Variants in ESR2 observed in about 807,000 individuals in gnomAD.
The protein encoded by ESR2 is estrogen receptor 2, also known as estrogen receptor beta.
Under a neutral mutation model 49.6 loss-of-function variants are expected in ESR2, and 36 were observed. That is an observed-to-expected ratio of 0.73 (90% CI 0.56 to 0.96). The LOEUF is 0.96. Among genes scored for constraint, ESR2 ranks in the 40% least tolerant of loss-of-function variants. The pLI is 0.00. For missense variants in ESR2, 714 were observed against 693.0 expected (o/e 1.03, Z -0.34); for synonymous variants, 320 against 266.1 (o/e 1.20, Z -1.97).
intron 3 of ESR2, among the ~76,000 whole-genome samples, chr14:64,273,873 T>C (rs1040829681): frequency 6.6e-6 from 1 of 152,154 alleles, no homozygotes; most frequent in African/African-American, 2.4e-5. Context: ...TTGGCATTAG[T>C]TCTTCTTTAA....
rs1237997993 is a variant in ESR2 at position 64,232,681 on chromosome 14, C to G, written c.*456G>C. 6.3e-6 allele frequency: 1 copy of G among 157,934 alleles called. No individual in the cohort carries two copies. The highest frequency in any genetic ancestry group is 2.4e-5 in the African/African-American group (1 of 41,590). The allele number at this position is 157,934 out of a possible 1,614,324, so 9.8% of individuals were successfully genotyped here. A position where few individuals can be genotyped will look rare whatever the true frequency, so the allele number is the denominator to read the frequency against. ...GTTTTCAATCTTACAATGGAGTGGT[C>G]CGGAAAACAGCAAAGGTCAACTCTC... is the stretch of plus-strand genomic sequence containing the variant. On this transcript the variant is annotated 3_prime_UTR_variant, in exon 9 of 9. Transcript: ENST00000341099.
intron 3 of ESR2, among the ~76,000 whole-genome samples, chr14:64,278,724 A>C (rs911273739): frequency 3.9e-5 from 6 of 152,168 alleles, no homozygotes; most frequent in African/African-American, 1.4e-4. Context: ...GGAGTGTAGC[A>C]AAGACACATG....
intron 7 of ESR2, among the ~76,000 whole-genome samples, chr14:64,237,985 C>CGAG (rs1446373088): frequency 6.6e-6 from 1 of 152,038 alleles, no homozygotes; most frequent in Non-Finnish European, 1.5e-5. Context: ...CGTGAATAAA[C>CGAG]TAAAAACATT....
chr14:64,253,560 TTGTGTGTGTGTG>T (rs752711685), intron 6 of ESR2, among the ~76,000 whole-genome samples: 180 of 136,636 alleles, frequency 1.3e-3, no homozygotes, highest in East Asian at 2.5e-3. Flanking sequence ...GGTACACTAT[TTGTGTGTGTGTG>T]TGTGTGTGTG....
intron 1 of ESR2, among the ~76,000 whole-genome samples, chr14:64,302,353 A>AT (rs1288151991): frequency 2.0e-5 from 3 of 150,560 alleles, no homozygotes; most frequent in Admixed American, 6.6e-5. Context: ...TGCCCGGCTA[A>AT]TTTTTTTGTA....
intron 1 of ESR2, among the ~76,000 whole-genome samples, chr14:64,293,381 A>G (rs1464591214): frequency 1.3e-5 from 2 of 152,224 alleles, no homozygotes. Context: ...CCAAAACACA[A>G]TCCTGCTTTT....
At chr14:64,289,863 G>A (rs1326038754) in intron 1 of ESR2, among the ~76,000 whole-genome samples, 1 of 152,086 alleles carries the variant, frequency 6.6e-6, no homozygotes, top group Non-Finnish European at 1.5e-5. Flanking sequence ...AAGAATAGAG[G>A]ATAAGTCCTC....
intron 7 of ESR2, among the ~76,000 whole-genome samples, chr14:64,245,151 T>C (rs1172527606): frequency 6.6e-6 from 1 of 152,066 alleles, no homozygotes. Flanking sequence ...GCAGTGAAAA[T>C]TGTCCCATTT....
chr14:64,253,604 G>GTGTATATGTATGTGTGTGTGTA (rs375688515), intron 6 of ESR2, among the ~76,000 whole-genome samples: 56 of 142,908 alleles, frequency 3.9e-4, no homozygotes, highest in African/African-American at 1.2e-3. Flanking sequence ...GTGTGTGTGT[G>GTGTATATGTATGTGTGTGTGTA]TATGTATGTG....
Position 64,294,098 on chromosome 14 carries a change from G to A in ESR2, c.-156C>T, listed in dbSNP as rs940744223. ...GGACACGTGCTTTTCCCGCATTAGG[G>A]GGGGTCTCCCGGCGCGCGCCCCGCC... On this transcript the variant is annotated 5_prime_UTR_variant, in exon 1 of 9. Transcript: ENST00000341099. The A allele has an allele frequency of 1.3e-5, 2 of 152,312 alleles. No individual in the cohort carries two copies. The highest frequency in any genetic ancestry group is 2.9e-5 in the Non-Finnish European group (2 of 68,122). 9.4% of individuals were successfully genotyped at this position (152,312 alleles called of 1,614,324 possible).
At chr14:64,265,130 T>C (rs2076302248) in intron 4 of ESR2, among the ~76,000 whole-genome samples, 1 of 152,182 alleles carries the variant, frequency 6.6e-6, no homozygotes, top group Admixed American at 6.5e-5. Context: ...GAGCTCATTT[T>C]TCTATCAAGG....
upstream of ESR2, among the ~76,000 whole-genome samples, chr14:64,295,908 G>A (rs1053381642): frequency 1.3e-5 from 2 of 152,120 alleles, no homozygotes; most frequent in South Asian, 2.1e-4. Context: ...GCTGGACGTG[G>A]TGGCACATGC....
At chr14:64,336,561 T>C (rs1167404907) in intron 1 of ESR2, 1 of 152,228 alleles carries the variant, frequency 6.6e-6, no homozygotes, top group Non-Finnish European at 1.5e-5. Flanking sequence ...CACTGGACTC[T>C]TCTTTTCAAT....
Position 64,229,384 on chromosome 14 carries a change from A to T in ESR2, c.*3753T>A, listed in dbSNP as rs1400906588. Among the ~76,000 whole-genome samples, 1 of 152,078 alleles carries T rather than the reference A, an allele frequency of 6.6e-6. No homozygotes were observed. The highest frequency in any genetic ancestry group is 1.5e-5 in the Non-Finnish European group (1 of 68,026). ...AAGCTTTGCCATGAGTAGTTTTATG[A>T]CCTTGAATAGGTGAATTTGCCCCCG... On this transcript the variant is annotated 3_prime_UTR_variant, in exon 9 of 9. Coordinates refer to ENST00000341099, the MANE Select transcript of ESR2 (RefSeq NM_001437.3).
chr14:64,270,147 C>T lies in ESR2; in HGVS notation c.536-1236G>A, dbSNP rs79716466. On this transcript the variant is annotated intron_variant, in intron 3 of 8. Transcript: ENST00000341099. ...CCTATAATGAACCAGAATTTCAGTGCGGAGAATAAATGAATCTCAATGATA... is the reference window on the plus strand; with the variant it reads ...CCTATAATGAACCAGAATTTCAGTGTGGAGAATAAATGAATCTCAATGATA... 5.7e-3 allele frequency among the ~76,000 whole-genome samples: 870 copies of T among 152,110 alleles called. 11 individuals are homozygous for T. The highest frequency in any genetic ancestry group is 0.02 in the African/African-American group (841 of 41,496).
chr14:64,241,813 A>G (rs543476888), intron 7 of ESR2, among the ~76,000 whole-genome samples: 1 of 152,150 alleles, frequency 6.6e-6, no homozygotes, highest in Non-Finnish European at 1.5e-5. Flanking sequence ...ACTCCTTAGG[A>G]CTTTCTACAT....
intron 4 of ESR2, among the ~76,000 whole-genome samples, chr14:64,266,484 T>C (rs1433110287): frequency 1.3e-5 from 2 of 152,232 alleles, no homozygotes; most frequent in Admixed American, 1.3e-4. Context: ...ATGAGGGCAA[T>C]AGCTGTGCAA....
chr14:64,254,589 A>T, intron 6 of ESR2, among the ~76,000 whole-genome samples: 1 of 151,496 alleles, frequency 6.6e-6, no homozygotes, highest in Non-Finnish European at 1.5e-5. Flanking sequence ...TCCACTAAAA[A>T]AAAAAAAAAA....
intron 1 of ESR2, among the ~76,000 whole-genome samples, chr14:64,333,743 T>C (rs2077493143): frequency 6.6e-6 from 1 of 152,146 alleles, no homozygotes; most frequent in Middle Eastern, 3.2e-3. Context: ...CCCCCCATGA[T>C]TCAATTATCT....
Sources: gnomAD v4.1 joint callset for allele counts (sites outside exome capture counted in the v4.1 genomes callset) on GRCh38, gnomAD v4.1.1 for gene constraint, MANE v1.5 for transcripts, NCBI Gene and HGNC (gene_info 2026-07-23, HGNC 2026-07-21) for gene names.